PEAK1: variants seen among roughly 807,000 people sequenced by gnomAD.
The protein encoded by PEAK1 is inactive tyrosine-protein kinase PEAK1.
In PEAK1, 54 loss-of-function variants were observed where a neutral mutation model predicts 124.7. That is an observed-to-expected ratio of 0.43 (90% CI 0.35 to 0.54). PEAK1 has a LOEUF of 0.54. Ranked by LOEUF, PEAK1 falls within the 20% of genes least tolerant of loss-of-function variation. The pLI is 0.01. For synonymous variants in PEAK1, 719 were observed against 760.0 expected (o/e 0.95, Z 0.89); for missense variants, 2,046 against 2,134.5 (o/e 0.96, Z 0.82).
At chr15:77,390,973 G>C (rs951117666) in intron 1 of PEAK1, among the ~76,000 whole-genome samples, 2 of 152,156 alleles carry the variant, frequency 1.3e-5, no homozygotes, top group African/African-American at 4.8e-5. Context: ...TGCAGAATAA[G>C]TTCAAAGGGC....
chr15:77,264,855 T>C (rs922665406), intron 5 of PEAK1, among the ~76,000 whole-genome samples: 5 of 151,438 alleles, frequency 3.3e-5, no homozygotes, highest in African/African-American at 9.7e-5. Context: ...CTTCAAACTA[T>C]ACTACAAGGC....
rs138012694 is a variant in PEAK1, at chr15:77,312,726, G to C, written c.-602-26222C>G. On this transcript the variant is annotated intron_variant, in intron 2 of 9. Coordinates refer to ENST00000682557, the MANE Select transcript of PEAK1 (RefSeq NM_001385026.1). The stretch of plus-strand genomic sequence containing the variant: ...TCCAGGCATCAGTTCCATATTCCTG[G>C]CAGGAAGAAGGCTGAAGGCCTAAAA... 4.2e-3 allele frequency among the ~76,000 whole-genome samples: 636 copies of C among 152,278 alleles called. 5 individuals are homozygous for C. The highest frequency in any genetic ancestry group is 0.014 in the African/African-American group (596 of 41,550).
intron 1 of PEAK1, among the ~76,000 whole-genome samples, chr15:77,366,566 G>GT (rs1219280444): frequency 6.6e-6 from 1 of 151,786 alleles, no homozygotes; most frequent in Non-Finnish European, 1.5e-5. Flanking sequence ...TGTTTTTCGG[G>GT]TTTTTCTGAG....
At chr15:77,320,288 T>C (rs1237586121) in intron 2 of PEAK1, among the ~76,000 whole-genome samples, 3 of 152,144 alleles carry the variant, frequency 2.0e-5, no homozygotes, top group Admixed American at 6.6e-5. Context: ...CCCACCATAC[T>C]GTAATTATTT....
chr15:77,102,901 C>T (rs1596189035), exon 7 of PEAK1: 1 of 152,056 alleles, frequency 6.6e-6, no homozygotes, highest in Non-Finnish European at 1.5e-5. Flanking sequence ...AAAAAAAACC[C>T]ATTGAGATTT....
intron 1 of PEAK1, among the ~76,000 whole-genome samples, chr15:77,407,102 C>T (rs1447658915): frequency 6.6e-6 from 1 of 152,104 alleles, no homozygotes; most frequent in Non-Finnish European, 1.5e-5. Context: ...CTCATCTCAC[C>T]TTACACAAAA....
intron 1 of PEAK1, among the ~76,000 whole-genome samples, chr15:77,405,360 C>T (rs2071731144): frequency 1.3e-5 from 2 of 152,076 alleles, no homozygotes; most frequent in South Asian, 2.1e-4. Flanking sequence ...AGGAGAAGGG[C>T]GTTACATTAT....
At chr15:77,195,210 T>C (rs1202674687) in intron 6 of PEAK1, among the ~76,000 whole-genome samples, 1 of 152,140 alleles carries the variant, frequency 6.6e-6, no homozygotes, top group African/African-American at 2.4e-5. Context: ...ACTGAAAATA[T>C]TTTAATGCTT....
chr15:77,184,474 C>G (rs913671726), intron 6 of PEAK1, among the ~76,000 whole-genome samples: 1 of 152,126 alleles, frequency 6.6e-6, no homozygotes, highest in South Asian at 2.1e-4. Context: ...TAGGTATTTA[C>G]CCAAGATAAA....
In PEAK1 at chr15:77,180,912, A is replaced by G; in HGVS notation, c.1015T>C (p.Ser339Pro). ...GQGSIQSMVSSDSTSPDSSLT... is the reference protein window; with the variant it reads ...GQGSIQSMVSPDSTSPDSSLT... The stretch of plus-strand genomic sequence containing the variant: ...GAAGAATCTGGTGATGTGGAGTCAG[A>G]TGACACCATGCTCTGAATGCTTCCT... The change falls in exon 7 of 10, where the codon TCT becomes CCT. Residue 339 changes from serine to proline, a missense_variant. Coordinates refer to ENST00000682557, the MANE Select transcript of PEAK1 (RefSeq NM_001385026.1). 2 of 1,614,042 alleles carry G rather than the reference A, an allele frequency of 1.2e-6. No homozygotes were observed. The highest frequency in any genetic ancestry group is 1.7e-6 in the Non-Finnish European group (2 of 1,179,960).
intron 6 of PEAK1, among the ~76,000 whole-genome samples, chr15:77,210,170 G>A (rs1045570445): frequency 6.6e-6 from 1 of 152,122 alleles, no homozygotes; most frequent in South Asian, 2.1e-4. Context: ...TACTTCTTAT[G>A]TTACACTAAG....
rs1039433738 is a variant in PEAK1 at position 77,108,516 on chromosome 15, C to T, written c.*5640G>A. The T allele has an allele frequency of 6.6e-6, 1 of 152,184 alleles. No individual in the cohort carries two copies. The highest frequency in any genetic ancestry group is 2.4e-5 in the African/African-American group (1 of 41,436). The allele number at this position is 152,184 out of a possible 1,614,324, so 9.4% of individuals were successfully genotyped here. A position where few individuals can be genotyped will look rare whatever the true frequency, so the allele number is the denominator to read the frequency against. ...ATCCCAACCCAGTGTGTTCATACATCACACTCTTTAGTTCTAACTGGTAAA... is the reference window on the plus strand; with the variant it reads ...ATCCCAACCCAGTGTGTTCATACATTACACTCTTTAGTTCTAACTGGTAAA... On this transcript the variant is annotated 3_prime_UTR_variant, in exon 10 of 10. Coordinates refer to ENST00000682557, the MANE Select transcript of PEAK1 (RefSeq NM_001385026.1).
chr15:77,348,311 C>T, intron 2 of PEAK1: 1 of 871,792 alleles, frequency 1.1e-6, no homozygotes, highest in Non-Finnish European at 1.4e-6. Flanking sequence ...AGTCTCATGC[C>T]ACCTACTCTT....
chr15:77,201,534 G>A (rs938204767), intron 6 of PEAK1, among the ~76,000 whole-genome samples: 25 of 152,002 alleles, frequency 1.6e-4, no homozygotes, highest in African/African-American at 5.3e-4. Context: ...CACTGCGCCT[G>A]GCCCAAGCCT....
chr15:77,348,763 C>T (rs922765272), intron 2 of PEAK1: 72 of 970,556 alleles, frequency 7.4e-5, no homozygotes, highest in South Asian at 2.9e-4. Flanking sequence ...GACTAAAACC[C>T]GATGATGAAT....
intron 6 of PEAK1, among the ~76,000 whole-genome samples, chr15:77,242,528 T>A (rs1567157187): frequency 6.6e-6 from 1 of 152,252 alleles, no homozygotes; most frequent in East Asian, 1.9e-4. Flanking sequence ...ATACACAGGA[T>A]GATAAACTGA....
chr15:77,350,762 A>G, intron 2 of PEAK1: 12 of 983,118 alleles, frequency 1.2e-5, no homozygotes, highest in Non-Finnish European at 1.4e-5. Flanking sequence ...ATTAATAAAG[A>G]CAGATCAATT....
chr15:77,179,074 T>C lies in PEAK1; in HGVS notation c.2853A>G (p.Lys951=), dbSNP rs189724152. 11 of 1,614,100 alleles carry C rather than the reference T, an allele frequency of 6.8e-6. No homozygotes were observed. The East Asian group carries it at 1.8e-4, about 26-fold the overall frequency. The change falls in exon 7 of 10, where the codon AAA becomes AAG. Residue 951 remains lysine, a synonymous_variant. Coordinates refer to ENST00000682557, the MANE Select transcript of PEAK1 (RefSeq NM_001385026.1). ...DDKEKEREKG[K]LVGLDGTVIH... ...TGACTGTGCCATCCAGGCCCACCAGTTTCCCTTTCTCTCGCTCTTTCTCTT... is the reference window on the plus strand; with the variant it reads ...TGACTGTGCCATCCAGGCCCACCAGCTTCCCTTTCTCTCGCTCTTTCTCTT...
chr15:77,340,621 A>G (rs1314347051), intron 2 of PEAK1, among the ~76,000 whole-genome samples: 1 of 152,238 alleles, frequency 6.6e-6, no homozygotes, highest in African/African-American at 2.4e-5. Flanking sequence ...AGTGAACCAC[A>G]GTGTAAATTA....
Sources: allele counts gnomAD v4.1 joint callset (sites outside exome capture counted in the v4.1 genomes callset), GRCh38; gene constraint gnomAD v4.1.1; transcripts MANE v1.5; gene names NCBI Gene and HGNC (gene_info 2026-07-23, HGNC 2026-07-21).